The following ST3GAL2 variants were observed in gnomAD, a reference collection of about 807,000 sequenced individuals.
ST3GAL2 encodes ST3 beta-galactoside alpha-2,3-sialyltransferase 2, also known as CMP-N-acetylneuraminate-beta-galactosamide-alpha-2,3-sialyltransferase 2.
A neutral mutation model predicts 37.5 loss-of-function variants in ST3GAL2; 16 were observed. The ratio of observed to expected loss-of-function variants is 0.43; its 90% CI spans 0.29 to 0.65. The LOEUF is 0.65. ST3GAL2 is among the 30% of genes least tolerant of loss of function. The pLI, the probability that ST3GAL2 is intolerant of heterozygous loss-of-function variation, is 0.17. For missense variants in ST3GAL2, 383 were observed against 487.8 expected (o/e 0.79, Z 2.02); for synonymous variants, 238 against 202.9 (o/e 1.17, Z -1.47).
intron 1 of ST3GAL2, among the ~76,000 whole-genome samples, chr16:70,415,005 C>G (rs2047665956): frequency 6.6e-6 from 1 of 152,142 alleles, no homozygotes. Context: ...TCCCGAGTAT[C>G]TGGGACTACA....
intron 4 of ST3GAL2, among the ~76,000 whole-genome samples, chr16:70,385,285 G>C (rs887397955): frequency 6.6e-6 from 1 of 152,072 alleles, no homozygotes; most frequent in African/African-American, 2.4e-5. Flanking sequence ...GACAGAGTGA[G>C]ACTCTGTCTC....
intron 1 of ST3GAL2, among the ~76,000 whole-genome samples, chr16:70,402,580 A>G (rs1039066835): frequency 6.6e-6 from 1 of 152,190 alleles, no homozygotes; most frequent in Non-Finnish European, 1.5e-5. Context: ...GAAGAGAGGT[A>G]GATGAAATAA....
chr16:70,416,110 C>T (rs1043809145), intron 1 of ST3GAL2, among the ~76,000 whole-genome samples: 17 of 152,016 alleles, frequency 1.1e-4, no homozygotes, highest in Admixed American at 4.6e-4. Context: ...GGAAGCAATC[C>T]TACCTCCACT....
At chr16:70,381,930 G>A (rs982382692) in intron 6 of ST3GAL2, 68 bp from the exon 7 acceptor site, 7 of 1,591,764 alleles carry the variant, frequency 4.4e-6, no homozygotes, top group Non-Finnish European at 3.4e-6. Context: ...GCGGGCTCGG[G>A]ATGACAGGGA....
chr16:70,431,745 C>T lies in ST3GAL2; in HGVS notation c.-1004+7204G>A, dbSNP rs181360738. ...TTGGGAGGCCGAGGCGGGCAGATCA[C>T]GAGGTCATGAGATCGAGACCATCCT... On this transcript the variant is annotated intron_variant, in intron 1 of 6. Transcript: ENST00000342907. Among the ~76,000 whole-genome samples, 414 of 151,672 alleles carry T rather than the reference C, an allele frequency of 2.7e-3. 5 individuals are homozygous for T. The highest frequency in any genetic ancestry group is 0.017 in the Middle Eastern group (5 of 292).
chr16:70,436,458 G>GA (rs58205790), intron 1 of ST3GAL2, among the ~76,000 whole-genome samples: 46,887 of 112,512 alleles, frequency 0.42, 8,432 homozygotes, highest in Non-Finnish European at 0.49. Context: ...CTCAAAAAAA[G>GA]AAAAAAAAAA....
rs914188017 is a variant in ST3GAL2 at position 70,437,277 on chromosome 16, T to C, written c.-1004+1672A>G. ...CACACAGACAGTTGGCCCCCTGGCC[T>C]CCCTTCCTCCATTCTCAAGTTACAA... On this transcript the variant is annotated intron_variant, in intron 1 of 6. Transcript: ENST00000342907. Among the ~76,000 whole-genome samples the C allele has an allele frequency of 7.2e-5, 11 of 152,306 alleles. No homozygotes were observed. In the South Asian group the frequency reaches 2.3e-3, roughly 32 times the overall value.
At chr16:70,419,960 A>G (rs1337096076) in intron 1 of ST3GAL2, among the ~76,000 whole-genome samples, 1 of 151,868 alleles carries the variant, frequency 6.6e-6, no homozygotes, top group Non-Finnish European at 1.5e-5. Flanking sequence ...AAATCCCTCC[A>G]AAGGGCTCCT....
intron 1 of ST3GAL2, among the ~76,000 whole-genome samples, chr16:70,406,055 C>T (rs982052799): frequency 6.8e-6 from 1 of 147,378 alleles, no homozygotes; most frequent in African/African-American, 2.5e-5. Context: ...AGCAGGACTC[C>T]GTCTCAAAAA....
chr16:70,417,459 T>G lies in ST3GAL2; in HGVS notation c.-1003-17926A>C, dbSNP rs553150435. Among the ~76,000 whole-genome samples the G allele has an allele frequency of 4.6e-5, 7 of 152,150 alleles. No homozygotes were observed. In the East Asian group the frequency reaches 1.4e-3, roughly 29 times the overall value. ...CAGAGGACGGTGCGCGTCCATCCTA[T>G]GGGACACGGCCGTAACCCCTTCCCC... On this transcript the variant is annotated intron_variant, in intron 1 of 6. Coordinates refer to ENST00000342907, the MANE Select transcript of ST3GAL2 (RefSeq NM_006927.4).
chr16:70,386,667 C>G (rs2047445871), intron 4 of ST3GAL2, among the ~76,000 whole-genome samples: 2 of 151,824 alleles, frequency 1.3e-5, no homozygotes, highest in South Asian at 4.2e-4. Flanking sequence ...TTTTTTGAGA[C>G]AGAGTTTTGC....
At chr16:70,397,956 G>C (rs1353637779) in intron 2 of ST3GAL2, among the ~76,000 whole-genome samples, 2 of 152,192 alleles carry the variant, frequency 1.3e-5, no homozygotes, top group African/African-American at 4.8e-5. Flanking sequence ...TGTCCCTGCT[G>C]CCTGCCTGGT....
chr16:70,429,588 C>CAAAAA (rs1173306093), intron 1 of ST3GAL2, among the ~76,000 whole-genome samples: 4 of 36,064 alleles, frequency 1.1e-4, no homozygotes, highest in African/African-American at 3.8e-4. Flanking sequence ...GACTCTGTCT[C>CAAAAA]AAAAAAAAAA....
intron 1 of ST3GAL2, among the ~76,000 whole-genome samples, chr16:70,418,009 C>G (rs947231158): frequency 6.6e-6 from 1 of 152,170 alleles, no homozygotes; most frequent in African/African-American, 2.4e-5. Context: ...TGATTCTGAT[C>G]TTGGTCACAC....
chr16:70,414,169 C>T (rs2047659281), intron 1 of ST3GAL2, among the ~76,000 whole-genome samples: 1 of 152,234 alleles, frequency 6.6e-6, no homozygotes, highest in Admixed American at 6.5e-5. Context: ...GGAAACTGGG[C>T]ATCCCTGCCA....
In ST3GAL2 at chr16:70,420,017, C is replaced by CCG. The variant is rs2047703490; in HGVS notation, c.-1004+18931_-1004+18932insCG. ...CACCACAACTGACCATTTGACCCCCCCCTTCCCTTTTTTTTTTTTTTTTTT... is the reference window on the plus strand; with the variant it reads ...CACCACAACTGACCATTTGACCCCCCCGCCTTCCCTTTTTTTTTTTTTTTTTT... On this transcript the variant is annotated intron_variant, in intron 1 of 6. Transcript: ENST00000342907. 2.0e-5 allele frequency among the ~76,000 whole-genome samples: 3 copies of CCG among 149,410 alleles called. No individual in the cohort carries two copies. In the South Asian group the frequency reaches 6.3e-4, roughly 31 times the overall value.
At chr16:70,395,310 G>A (rs1320479223) in intron 2 of ST3GAL2, 135 bp from the exon 3 acceptor site, 3 of 801,662 alleles carry the variant, frequency 3.7e-6, no homozygotes, top group South Asian at 1.9e-5. Context: ...CTCTGCCAGG[G>A]AACAGGGGTT....
intron 1 of ST3GAL2, among the ~76,000 whole-genome samples, chr16:70,433,246 G>A (rs142834691): frequency 7.9e-5 from 12 of 152,098 alleles, no homozygotes; most frequent in Non-Finnish European, 1.0e-4. Context: ...GCCAAGTGCC[G>A]GCCTGCATAC....
At chr16:70,408,720 A>G (rs2047611427) in intron 1 of ST3GAL2, among the ~76,000 whole-genome samples, 1 of 151,900 alleles carries the variant, frequency 6.6e-6, no homozygotes. Context: ...GATGCCGCCC[A>G]GAGTTTGTAG....
Sources: allele counts gnomAD v4.1 joint callset (sites outside exome capture counted in the v4.1 genomes callset), GRCh38; gene constraint gnomAD v4.1.1; transcripts MANE v1.5; gene names NCBI Gene and HGNC (gene_info 2026-07-23, HGNC 2026-07-21).